The following PRKD2 variants were observed in gnomAD, a reference collection of about 807,000 sequenced individuals.
PRKD2 encodes the protein protein kinase D2.
Under a neutral mutation model 86.0 loss-of-function variants are expected in PRKD2, and 22 were observed. The observed-to-expected ratio is 0.26, with a 90% CI of 0.18 to 0.37. PRKD2 has a LOEUF of 0.37. Among genes scored for constraint, PRKD2 ranks in the 10% least tolerant of loss-of-function variants. PRKD2 has a pLI of 1.00. For missense variants in PRKD2, 818 were observed against 1,199.2 expected, an observed-to-expected ratio of 0.68 and a Z score of 4.70; for synonymous variants, 509 against 510.9, an observed-to-expected ratio of 1.00 and a Z score of 0.05.
chr19:46,706,901 T>C (rs2053721622), intron 3 of PRKD2, among the ~76,000 whole-genome samples: 2 of 151,542 alleles, frequency 1.3e-5, no homozygotes, highest in Non-Finnish European at 2.9e-5. Context: ...TCTTTTTTTT[T>C]TTTTTTTTTG....
At chr19:46,706,579 A>T (rs1419361823) in intron 3 of PRKD2, among the ~76,000 whole-genome samples, 2 of 152,236 alleles carry the variant, frequency 1.3e-5, no homozygotes, top group Non-Finnish European at 2.9e-5. Flanking sequence ...GGATAGAGTT[A>T]AACTCCTGTC....
At chr19:46,699,958 A>T (rs535546432) in intron 7 of PRKD2, among the ~76,000 whole-genome samples, 1 of 149,836 alleles carries the variant, frequency 6.7e-6, no homozygotes, top group Non-Finnish European at 1.5e-5. Context: ...AATATAGGTC[A>T]GGCGCGGTGG....
chr19:46,689,753 A>G, intron 13 of PRKD2, 55 bp from the exon 14 acceptor site: 2 of 1,598,898 alleles, frequency 1.3e-6, no homozygotes, highest in Admixed American at 1.7e-5. Flanking sequence ...TCAGACCCCA[A>G]CGGGTCAGGT....
intron 9 of PRKD2, among the ~76,000 whole-genome samples, chr19:46,694,608 A>G (rs1459022116): frequency 6.6e-6 from 1 of 152,034 alleles, no homozygotes; most frequent in African/African-American, 2.4e-5. Flanking sequence ...AATAATAATA[A>G]TAATACTAAT....
intron 3 of PRKD2, among the ~76,000 whole-genome samples, chr19:46,707,171 T>C (rs996812958): frequency 6.6e-6 from 1 of 151,778 alleles, no homozygotes; most frequent in African/African-American, 2.4e-5. Flanking sequence ...GGATTACAGG[T>C]GTGAGCCACC....
At position 46,700,872 on chromosome 19, in the gene PRKD2, T is replaced by A; in HGVS notation, c.1048A>T (p.Ile350Phe). 1 of 1,614,270 alleles carries A rather than the reference T, an allele frequency of 6.2e-7. No individual in the cohort carries two copies. Among genetic ancestry groups the A allele is most frequent in the Non-Finnish European group, 8.5e-7 (1 of 1,180,040 alleles). Reference protein sequence around the residue: ...LMDESEDSGVIPGSHSENALH... With the variant: ...LMDESEDSGVFPGSHSENALH... Reference sequence around the variant, plus strand: ...GCATTCTCTGAGTGGGAGCCAGGGATGACACCGGAGTCCTCTGACTCATCC... The same window carrying A: ...GCATTCTCTGAGTGGGAGCCAGGGAAGACACCGGAGTCCTCTGACTCATCC... Residue 350 changes from isoleucine to phenylalanine, a missense_variant, in exon 7 of 18, where the codon ATC (isoleucine) becomes TTC (phenylalanine). Physicochemically the swap from Ile to Phe is conservative, Grantham distance 21. Transcript: ENST00000291281.
intron 3 of PRKD2, among the ~76,000 whole-genome samples, chr19:46,707,489 C>T (rs2053730870): frequency 1.3e-5 from 2 of 152,116 alleles, no homozygotes; most frequent in South Asian, 2.1e-4. Flanking sequence ...ATTTGGGAGG[C>T]TGAAGCAGGA....
chr19:46,691,651 T>TTGGAGCCAGAAAGAAAGGGC, intron 12 of PRKD2, 84 bp downstream of exon 12: 1 of 1,366,078 alleles, frequency 7.3e-7, no homozygotes, highest in Non-Finnish European at 1.0e-6. Context: ...AAAGGAAGGG[T>TTGGAGCCAGAAAGAAAGGGC]TGGAGCCAGA....
chr19:46,686,300 T>A (rs2053395691), intron 14 of PRKD2: 1 of 150,438 alleles, frequency 6.6e-6, no homozygotes, highest in Non-Finnish European at 1.5e-5. Context: ...AGCCCAGGAG[T>A]TCGAGACCCA....
chr19:46,703,901 G>A lies in PRKD2; in HGVS notation c.889+268C>T, dbSNP rs570157395. On this transcript the variant is annotated intron_variant, in intron 5 of 17. Coordinates refer to ENST00000291281, the MANE Select transcript of PRKD2 (RefSeq NM_016457.5). ...TGAAGCTGCAGTGAGCCGTGATTGCGCCACTGCACTCCAGCCTGGGTGATA... is the reference window on the plus strand; with the variant it reads ...TGAAGCTGCAGTGAGCCGTGATTGCACCACTGCACTCCAGCCTGGGTGATA... Among the ~76,000 whole-genome samples, 23 of 150,558 alleles carry A rather than the reference G, an allele frequency of 1.5e-4. No homozygotes were observed. The South Asian group carries it at 3.2e-3, about 21-fold the overall frequency.
intron 7 of PRKD2, among the ~76,000 whole-genome samples, chr19:46,700,282 G>A (rs1305771485): frequency 2.0e-5 from 3 of 151,910 alleles, no homozygotes; most frequent in Non-Finnish European, 2.9e-5. Context: ...CCAGATACTC[G>A]GGAGGCTGAG....
chr19:46,706,067 A>G (rs190239686), intron 3 of PRKD2, among the ~76,000 whole-genome samples: 2 of 152,128 alleles, frequency 1.3e-5, no homozygotes, highest in Admixed American at 1.3e-4. Flanking sequence ...GTCTCGCTAC[A>G]TTGCCCAGGC....
chr19:46,691,861 G>A (rs2053488430), intron 11 of PRKD2, 54 bp from the exon 12 acceptor site: 1 of 1,611,124 alleles, frequency 6.2e-7, no homozygotes, highest in Non-Finnish European at 8.5e-7. Flanking sequence ...GGGGAAGGGG[G>A]AGTCAAGGAG....
intron 14 of PRKD2, among the ~76,000 whole-genome samples, chr19:46,681,974 G>T: frequency 6.6e-6 from 1 of 151,758 alleles, no homozygotes; most frequent in East Asian, 1.9e-4. Flanking sequence ...CCAAGTAGCT[G>T]GGACTACAGG....
intron 3 of PRKD2, among the ~76,000 whole-genome samples, chr19:46,707,127 C>T (rs950248088): frequency 6.6e-6 from 1 of 152,068 alleles, no homozygotes; most frequent in African/African-American, 2.4e-5. Flanking sequence ...CTCCTGACCT[C>T]ATGATCCGCC....
At chr19:46,674,820 T>C (rs2122522579) in intron 17 of PRKD2, 85 bp from the exon 18 acceptor site, 2 of 1,428,754 alleles carry the variant, frequency 1.4e-6, no homozygotes, top group East Asian at 2.5e-5. Context: ...GAGAGCTGGG[T>C]ACCAATGAAG....
intron 12 of PRKD2, 118 bp from the exon 13 acceptor site, chr19:46,690,824 G>A: frequency 1.1e-6 from 1 of 873,776 alleles, no homozygotes; most frequent in Non-Finnish European, 1.8e-6. Context: ...GAGTTGGGCA[G>A]AGTTGGAAGG....
intron 14 of PRKD2, among the ~76,000 whole-genome samples, chr19:46,686,986 T>C (rs926239747): frequency 4.0e-4 from 61 of 151,434 alleles, no homozygotes; most frequent in African/African-American, 1.3e-3. Flanking sequence ...TAAAACCCTA[T>C]GGTAAATAAA....
Position 46,694,118 on chromosome 19 carries a change from C to G in PRKD2, c.1333G>C (p.Glu445Gln), listed in dbSNP as rs761298497. The change falls in exon 10 of 18, where the codon GAA becomes CAA. Residue 445 changes from glutamate (E) to glutamine (Q), a missense_variant. Coordinates refer to ENST00000291281, the MANE Select transcript of PRKD2 (RefSeq NM_016457.5). ...NRYYKEIPLS[E>Q]ILTVESAQNF... is the part of the protein sequence containing the mutation. ...TGGGCGGACTCCACCGTGAGGATTT[C>G]TGACAGCGGAATTTCCTGCAGGACG... is the stretch of plus-strand genomic sequence containing the variant. 6.8e-6 allele frequency: 11 copies of G among 1,613,768 alleles called. No individual in the cohort carries two copies. In the Admixed American group the frequency reaches 1.8e-4, roughly 27 times the overall value.
Sources: gnomAD v4.1 joint callset for allele counts (sites outside exome capture counted in the v4.1 genomes callset) on GRCh38, gnomAD v4.1.1 for gene constraint, MANE v1.5 for transcripts, NCBI Gene and HGNC (gene_info 2026-07-23, HGNC 2026-07-21) for gene names.